ATG4C: variants seen among roughly 807,000 people sequenced by gnomAD.
ATG4C encodes the protein autophagy related 4C cysteine peptidase.
A neutral mutation model predicts 57.6 loss-of-function variants in ATG4C; 56 were observed. The ratio of observed to expected loss-of-function variants is 0.97; its 90% CI spans 0.78 to 1.21. The LOEUF (loss-of-function observed/expected upper bound fraction) is 1.21. ATG4C is among the 50% of genes most tolerant of loss of function. The pLI is 0.00. For missense variants in ATG4C, 595 were observed against 529.8 expected, an observed-to-expected ratio of 1.12 and a Z score of -1.21; for synonymous variants, 157 against 174.1, an observed-to-expected ratio of 0.90 and a Z score of 0.78.
intron 1 of ATG4C, among the ~76,000 whole-genome samples, chr1:62,792,596 A>T (rs1317366179): frequency 6.6e-6 from 1 of 152,228 alleles, no homozygotes; most frequent in Non-Finnish European, 1.5e-5. Context: ...TCATGTAGTT[A>T]CTATGGATAC....
At position 62,826,118 on chromosome 1, in the gene ATG4C, A is replaced by C. The variant is rs542778255; in HGVS notation, c.797-2922A>C. Reference sequence around the variant, plus strand: ...GAGACGGTGTTTCGCCATGTTGACCAGGCTGGCCTCGAAGTCCTGACCTCA... The same window carrying C: ...GAGACGGTGTTTCGCCATGTTGACCCGGCTGGCCTCGAAGTCCTGACCTCA... On this transcript the variant is annotated intron_variant, in intron 6 of 10. Transcript: ENST00000317868. Among the ~76,000 whole-genome samples the C allele has an allele frequency of 5.9e-5, 9 of 151,768 alleles. No homozygotes were observed. The South Asian group carries it at 1.9e-3, about 32-fold the overall frequency.
At position 62,829,160 on chromosome 1, in the gene ATG4C, A is replaced by G. The variant is rs528295880; in HGVS notation, c.917A>G (p.Tyr306Cys). ...GGTGGAGAAAGAACCAACACCGACT[A>G]CTTAGAATTTGTGAAGGTATGAAAT... ...RLGGERTNTD[Y>C]LEFVKGILSL... Residue 306 changes from tyrosine to cysteine, a missense_variant, in exon 7 of 11, where the codon TAC (tyrosine) becomes TGC (cysteine). Transcript: ENST00000317868. 66 of 1,612,578 alleles carry G rather than the reference A, an allele frequency of 4.1e-5. No homozygotes were observed. Among genetic ancestry groups the G allele is most frequent in the Non-Finnish European group, 5.0e-5 (59 of 1,179,224 alleles).
chr1:62,849,074 T>C (rs1389564947), intron 10 of ATG4C, among the ~76,000 whole-genome samples: 1 of 152,226 alleles, frequency 6.6e-6, no homozygotes, highest in Admixed American at 6.5e-5. Flanking sequence ...TGATTGTTTC[T>C]TGGTGAATGG....
rs17123839 is a variant in ATG4C, at chr1:62,787,881, A to T, written c.-69+3608A>T. ...TTATTATAATAGTGATACTGGGTTC[A>T]AGATCATCTTGACTCCTGTGACACC... is the stretch of plus-strand genomic sequence containing the variant. On this transcript the variant is annotated intron_variant, in intron 1 of 10. Transcript: ENST00000317868. Among the ~76,000 whole-genome samples the T allele has an allele frequency of 3.0e-3, 455 of 152,270 alleles. 2 individuals carry two copies. The highest frequency in any genetic ancestry group is 0.01 in the African/African-American group (430 of 41,548).
rs150523110 is a variant in ATG4C, at chr1:62,821,091, A to G, written c.726-48A>G. 1.0e-3 allele frequency: 1,453 copies of G among 1,438,886 alleles called. 15 individuals carry two copies. The African/African-American group carries it at 0.019, about 19-fold the overall frequency. 89.1% of individuals were successfully genotyped at this position (1,438,886 alleles called of 1,614,324 possible). Reference sequence around the variant, plus strand: ...TTCTTAAATTAAATATTTAGTTGCCAATAGGAAATGTTAGGATTTTGAAAG... The same window carrying G: ...TTCTTAAATTAAATATTTAGTTGCCGATAGGAAATGTTAGGATTTTGAAAG... On this transcript the variant is annotated intron_variant, in intron 5 of 10. Transcript: ENST00000317868.
chr1:62,797,986 AT>A (rs1314188480), intron 1 of ATG4C, among the ~76,000 whole-genome samples: 5 of 151,806 alleles, frequency 3.3e-5, no homozygotes, highest in Non-Finnish European at 5.9e-5. Flanking sequence ...CACCTGGCTA[AT>A]TTTTTTGTAT....
At chr1:62,834,510 T>C (rs949923904) in intron 8 of ATG4C, among the ~76,000 whole-genome samples, 9 of 152,068 alleles carry the variant, frequency 5.9e-5, no homozygotes, top group Non-Finnish European at 1.2e-4. Context: ...AACTGTAGAA[T>C]ATAATTGTGT....
chr1:62,798,421 T>G (rs1237909091), intron 1 of ATG4C, among the ~76,000 whole-genome samples: 1 of 152,222 alleles, frequency 6.6e-6, no homozygotes, highest in African/African-American at 2.4e-5. Context: ...AGTGTTATCC[T>G]GTGCTAATAA....
intron 6 of ATG4C, 147 bp from the exon 7 acceptor site, chr1:62,828,893 A>G: frequency 1.5e-6 from 1 of 658,584 alleles, no homozygotes; most frequent in Non-Finnish European, 2.5e-6. Context: ...TCCTAGTGGT[A>G]TTTTTAACTT....
Position 62,816,628 on chromosome 1 carries a change from A to G in ATG4C, c.214A>G (p.Ile72Val). 1 of 1,613,836 alleles carries G rather than the reference A, an allele frequency of 6.2e-7. No homozygotes were observed. The highest frequency in any genetic ancestry group is 8.5e-7 in the Non-Finnish European group (1 of 1,179,830). ...ESGCTIEDHV[I>V]AGNVEEFRKD... ...GGGATGTACAATAGAGGATCACGTA[A>G]TTGCAGGAAATGTAGAAGAATTTCG... is the stretch of plus-strand genomic sequence containing the variant. Residue 72 changes from isoleucine (I) to valine (V), a missense_variant, in exon 4 of 11, where the codon ATT becomes GTT. Coordinates refer to ENST00000317868, the MANE Select transcript of ATG4C (RefSeq NM_032852.4).
At chr1:62,814,093 A>G (rs1044439546) in intron 3 of ATG4C, among the ~76,000 whole-genome samples, 21 of 152,142 alleles carry the variant, frequency 1.4e-4, no homozygotes, top group Non-Finnish European at 2.6e-4. Context: ...TCCTATTACT[A>G]GGTATATACC....
intron 10 of ATG4C, among the ~76,000 whole-genome samples, chr1:62,862,163 T>C (rs932204458): frequency 1.3e-5 from 2 of 152,180 alleles, no homozygotes; most frequent in East Asian, 3.8e-4. Context: ...TCAATAAATA[T>C]TGTGCATAAG....
chr1:62,854,661 A>G (rs1319224103), intron 10 of ATG4C, among the ~76,000 whole-genome samples: 2 of 152,152 alleles, frequency 1.3e-5, no homozygotes, highest in African/African-American at 4.8e-5. Flanking sequence ...ATTTAATAGT[A>G]AGGCACTAAA....
At chr1:62,845,667 T>G (rs1666305980) in intron 10 of ATG4C, among the ~76,000 whole-genome samples, 1 of 152,022 alleles carries the variant, frequency 6.6e-6, no homozygotes, top group African/African-American at 2.4e-5. Flanking sequence ...AGTTTTATGT[T>G]TCACATTTAG....
At chr1:62,804,556 C>G (rs1357310819) in intron 2 of ATG4C, among the ~76,000 whole-genome samples, 1 of 151,940 alleles carries the variant, frequency 6.6e-6, no homozygotes, top group African/African-American at 2.4e-5. Flanking sequence ...AGGAAATAAG[C>G]AAAATAGGCC....
At chr1:62,820,727 G>A (rs1002875249) in intron 5 of ATG4C, among the ~76,000 whole-genome samples, 1 of 151,908 alleles carries the variant, frequency 6.6e-6, no homozygotes, top group Non-Finnish European at 1.5e-5. Context: ...TTTAAAGAAC[G>A]AACAGTTTCT....
At chr1:62,813,975 A>G (rs1165117998) in intron 3 of ATG4C, among the ~76,000 whole-genome samples, 2 of 152,168 alleles carry the variant, frequency 1.3e-5, no homozygotes, top group East Asian at 3.9e-4. Flanking sequence ...GAGAAATAGG[A>G]ACGTTTTTAC....
chr1:62,847,163 C>T (rs1666349441), intron 10 of ATG4C, among the ~76,000 whole-genome samples: 1 of 152,240 alleles, frequency 6.6e-6, no homozygotes, highest in East Asian at 1.9e-4. Flanking sequence ...GGCGAGAGAA[C>T]GAGACTTTGT....
chr1:62,858,375 G>T (rs1007126808), intron 10 of ATG4C, among the ~76,000 whole-genome samples: 24 of 152,188 alleles, frequency 1.6e-4, no homozygotes, highest in African/African-American at 5.5e-4. Context: ...GACTGTGTCA[G>T]TTACTAGTTG....
Sources: allele counts gnomAD v4.1 joint callset (sites outside exome capture counted in the v4.1 genomes callset), GRCh38; gene constraint gnomAD v4.1.1; transcripts MANE v1.5; gene names NCBI Gene and HGNC (gene_info 2026-07-23, HGNC 2026-07-21).